The following CHD1L variants were observed in gnomAD, a reference collection of about 807,000 sequenced individuals.
CHD1L encodes the protein chromodomain helicase DNA binding protein 1 like.
Under a neutral mutation model 115.9 loss-of-function variants are expected in CHD1L, and 118 were observed. The ratio of observed to expected loss-of-function variants is 1.02; its 90% CI spans 0.88 to 1.19. CHD1L has a LOEUF of 1.19. Ranked by LOEUF, CHD1L falls within the 50% of genes most tolerant of loss-of-function variation. The probability of loss-of-function intolerance (pLI) is 0.00; values close to 1 mark genes in which losing one functional copy is unlikely to be tolerated. For missense variants in CHD1L, 1,179 were observed against 1,065.3 expected (o/e 1.11, Z -1.49); for synonymous variants, 411 against 387.1 (o/e 1.06, Z -0.72).
At chr1:147,177,654 T>C in the CHD1L span, among the ~76,000 whole-genome samples, 1 of 152,172 alleles carries the variant, frequency 6.6e-6, no homozygotes, top group African/African-American at 2.4e-5. Flanking sequence ...CCGAAACTCA[T>C]TGCCCCAGCC....
intron 11 of CHD1L, among the ~76,000 whole-genome samples, 198 bp from the exon 12 acceptor site, chr1:147,271,973 A>G (rs1676422520): frequency 6.6e-6 from 1 of 152,230 alleles, no homozygotes; most frequent in African/African-American, 2.4e-5. Flanking sequence ...CCAGAGGAGT[A>G]TGTTATGGTG....
rs1167973826 is a variant in CHD1L, at chr1:147,242,833, G to A, written c.127+3G>A. 4.7e-6 allele frequency: 6 copies of A among 1,276,312 alleles called. No homozygotes were observed. The highest frequency in any genetic ancestry group is 2.0e-6 in the Non-Finnish European group (2 of 1,004,716). 79.1% of individuals were successfully genotyped at this position (1,276,312 alleles called of 1,614,324 possible). A position where few individuals can be genotyped will look rare whatever the true frequency, so the allele number is the denominator to read the frequency against. On this transcript the variant is annotated splice_donor_region_variant and intron_variant, in intron 1 of 22. Transcript: ENST00000369258. The stretch of plus-strand genomic sequence containing the variant: ...CTTACGGCAGTGGGGGCTGACAGGT[G>A]AGCGGGCTCCGGGCGGACTTCGGCC...
chr1:147,186,242 T>A, the CHD1L span: 1 of 849,658 alleles, frequency 1.2e-6, no homozygotes, highest in Non-Finnish European at 1.4e-6. Flanking sequence ...ATGATCTGAA[T>A]GACTGTGAGC....
the CHD1L span, chr1:147,212,582 G>T: frequency 1.3e-6 from 2 of 1,531,874 alleles, no homozygotes; most frequent in Non-Finnish European, 1.8e-6. Flanking sequence ...TTACATGATA[G>T]ATATCATTTG....
At chr1:147,226,627 G>GT in the CHD1L span, among the ~76,000 whole-genome samples, 1 of 152,166 alleles carries the variant, frequency 6.6e-6, no homozygotes, top group Non-Finnish European at 1.5e-5. Flanking sequence ...GTGAGGGGTT[G>GT]TAAGAGGCAT....
chr1:147,214,642 T>G, the CHD1L span: 1 of 152,122 alleles, frequency 6.6e-6, no homozygotes, highest in Non-Finnish European at 1.5e-5. Context: ...AAACTTTATC[T>G]TCTTTAAGAA....
the CHD1L span, among the ~76,000 whole-genome samples, chr1:147,233,358 C>A: frequency 6.6e-6 from 1 of 150,968 alleles, no homozygotes; most frequent in Non-Finnish European, 1.5e-5. Flanking sequence ...CCAGCCGCCC[C>A]GTCCGGGAGG....
the CHD1L span, among the ~76,000 whole-genome samples, chr1:147,233,857 G>A: frequency 0.022 from 3,354 of 151,740 alleles, 116 homozygotes; most frequent in African/African-American, 0.077. Context: ...GGTTAAGGGC[G>A]GTGCAAGATG....
At chr1:147,284,053 A>G (rs1393545879) in intron 15 of CHD1L, among the ~76,000 whole-genome samples, 7 of 152,216 alleles carry the variant, frequency 4.6e-5, no homozygotes, top group African/African-American at 1.7e-4. Flanking sequence ...GATAGTTGGG[A>G]ATAAATGAAT....
intron 19 of CHD1L, among the ~76,000 whole-genome samples, chr1:147,288,115 A>G (rs1465197238): frequency 3.3e-5 from 5 of 152,030 alleles, no homozygotes; most frequent in Non-Finnish European, 7.4e-5. Context: ...GCTTGAGGCC[A>G]GGAGTTTGAG....
In CHD1L at chr1:147,265,931, G is replaced by C; in HGVS notation, c.740-1G>C. On this transcript the variant is annotated splice_acceptor_variant, in intron 7 of 22. Coordinates refer to ENST00000369258, the MANE Select transcript of CHD1L (RefSeq NM_004284.6). LOFTEE classifies it high-confidence loss of function. ...TTCTTGTATTTTTTTTTCTTATGTA[G>C]CAAGTGAACTGCACAAACTCTTGCA... 6.2e-7 allele frequency: 1 copy of C among 1,602,326 alleles called. No homozygotes were observed. The highest frequency in any genetic ancestry group is 8.5e-7 in the Non-Finnish European group (1 of 1,175,972).
chr1:147,175,392 C>T, the CHD1L span: 1 of 152,178 alleles, frequency 6.6e-6, no homozygotes, highest in Non-Finnish European at 1.5e-5. Context: ...ACCCAAATCT[C>T]ATCTCAAATT....
At chr1:147,183,672 AATCTGG>A in the CHD1L span, among the ~76,000 whole-genome samples, 1 of 152,204 alleles carries the variant, frequency 6.6e-6, no homozygotes, top group East Asian at 1.9e-4. Flanking sequence ...AGATGACCTG[AATCTGG>A]ACGATGGTAT....
At chr1:147,208,238 A>T in the CHD1L span, among the ~76,000 whole-genome samples, 2 of 152,160 alleles carry the variant, frequency 1.3e-5, no homozygotes, top group Admixed American at 6.5e-5. Flanking sequence ...CTCAATGAGT[A>T]AATGACGCAC....
At chr1:147,184,033 TACTC>T in the CHD1L span, among the ~76,000 whole-genome samples, 1 of 152,174 alleles carries the variant, frequency 6.6e-6, no homozygotes, top group East Asian at 1.9e-4. This position sits in a 1 kb window ranked among gnomAD's most constrained non-coding sequence, Gnocchi z 4.4. Flanking sequence ...AGTCTATACT[TACTC>T]AGCAAAGGAA....
intron 19 of CHD1L, among the ~76,000 whole-genome samples, chr1:147,289,926 G>A (rs1174838221): frequency 6.6e-6 from 1 of 152,204 alleles, no homozygotes; most frequent in Non-Finnish European, 1.5e-5. Flanking sequence ...ATTCTGCGCA[G>A]AACCTTATCT....
chr1:147,273,905 C>G (rs1677254262), intron 12 of CHD1L, among the ~76,000 whole-genome samples: 1 of 152,260 alleles, frequency 6.6e-6, no homozygotes, highest in East Asian at 1.9e-4. Flanking sequence ...CATGTTGCCA[C>G]CAGATGGCAG....
the CHD1L span, among the ~76,000 whole-genome samples, chr1:147,233,111 G>A: frequency 6.6e-5 from 10 of 150,918 alleles, no homozygotes; most frequent in Non-Finnish European, 1.0e-4. Context: ...CTGCCCCGCC[G>A]CCCCATCTGG....
chr1:147,218,619 A>G, the CHD1L span, among the ~76,000 whole-genome samples: 4 of 152,178 alleles, frequency 2.6e-5, no homozygotes, highest in Admixed American at 1.3e-4. Context: ...ACTGCTTAAT[A>G]GTTTCTCTTG....
Sources: allele counts gnomAD v4.1 joint callset (sites outside exome capture counted in the v4.1 genomes callset), GRCh38; gene constraint gnomAD v4.1.1; non-coding constraint Gnocchi (gnomAD v3.1); transcripts MANE v1.5; gene names NCBI Gene and HGNC (gene_info 2026-07-23, HGNC 2026-07-21).